SGCD: variants seen among roughly 807,000 people sequenced by gnomAD.
SGCD encodes delta-sarcoglycan.
In SGCD, 18 loss-of-function variants were observed where a neutral mutation model predicts 36.6. The ratio of observed to expected loss-of-function variants is 0.49; its 90% CI spans 0.34 to 0.73. The LOEUF (loss-of-function observed/expected upper bound fraction) is 0.73. SGCD is among the 30% of genes least tolerant of loss of function. The pLI, the probability that SGCD is intolerant of heterozygous loss-of-function variation, is 0.01. For missense variants in SGCD, 387 were observed against 346.7 expected, an observed-to-expected ratio of 1.12 and a Z score of -0.92; for synonymous variants, 133 against 130.6, an observed-to-expected ratio of 1.02 and a Z score of -0.12.
At chr5:156,222,328 A>G (rs1764735783) in intron 3 of SGCD, among the ~76,000 whole-genome samples, 1 of 152,156 alleles carries the variant, frequency 6.6e-6, no homozygotes, top group African/African-American at 2.4e-5. Context: ...GGTGGACATA[A>G]GGTAGAAAAT....
In SGCD at chr5:156,293,101, A is replaced by G. The variant is rs550821768; in HGVS notation, c.-43-36433A>G. Among the ~76,000 whole-genome samples the G allele has an allele frequency of 6.6e-5, 10 of 151,482 alleles. No homozygotes were observed. The South Asian group carries it at 1.0e-3, about 16-fold the overall frequency. ...TAGAGGTGGGGTCTTTTTATGTTGCATAGGCTGAAGTGCAGTGGCTATTCA... is the reference window on the plus strand; with the variant it reads ...TAGAGGTGGGGTCTTTTTATGTTGCGTAGGCTGAAGTGCAGTGGCTATTCA... On this transcript the variant is annotated intron_variant, in intron 3 of 9. Coordinates refer to the SGCD transcript ENST00000517913.
chr5:156,211,574 C>CTCCA (rs1561567270), intron 3 of SGCD, among the ~76,000 whole-genome samples: 1 of 148,738 alleles, frequency 6.7e-6, no homozygotes, highest in Non-Finnish European at 1.5e-5. Flanking sequence ...TGCCACTGCA[C>CTCCA]TCCAGCCTGG....
chr5:156,641,058 T>C (rs1763010080), intron 6 of SGCD, among the ~76,000 whole-genome samples: 1 of 152,238 alleles, frequency 6.6e-6, no homozygotes, highest in Admixed American at 6.5e-5. Flanking sequence ...TCATTTTAAA[T>C]CTTTGGTTAA....
intron 3 of SGCD, among the ~76,000 whole-genome samples, chr5:156,321,038 G>A (rs1192713110): frequency 1.3e-5 from 2 of 152,160 alleles, no homozygotes; most frequent in African/African-American, 4.8e-5. Context: ...ACTGTTTTGG[G>A]CTTTCATAGA....
the SGCD span, among the ~76,000 whole-genome samples, chr5:155,835,189 G>C: frequency 1.3e-5 from 2 of 151,484 alleles, no homozygotes; most frequent in Admixed American, 6.6e-5. Flanking sequence ...TGTATTTTTA[G>C]TAGAGACAGG....
At chr5:156,542,189 G>C (rs1161433607) in intron 4 of SGCD, among the ~76,000 whole-genome samples, 5 of 152,150 alleles carry the variant, frequency 3.3e-5, no homozygotes, top group South Asian at 2.1e-4. Context: ...TTTAGAAAGA[G>C]TAAGACAACA....
chr5:155,784,172 AC>A, the SGCD span, among the ~76,000 whole-genome samples: 1 of 152,002 alleles, frequency 6.6e-6, no homozygotes, highest in Non-Finnish European at 1.5e-5. Context: ...AGAGCCTGGC[AC>A]CCCTCTAGGC....
At chr5:156,316,619 G>A (rs35408423) in intron 3 of SGCD, among the ~76,000 whole-genome samples, 4,020 of 152,048 alleles carry the variant, frequency 0.026, 71 homozygotes, top group Middle Eastern at 0.054. Flanking sequence ...AAGCCACATG[G>A]AACAGAATAG....
chr5:156,480,776 A>G (rs1044518691), intron 3 of SGCD, among the ~76,000 whole-genome samples: 1 of 152,114 alleles, frequency 6.6e-6, no homozygotes, highest in African/African-American at 2.4e-5. Context: ...TTCTTTTTTA[A>G]TTTCTCTAGA....
At chr5:156,325,842 C>T (rs1350940355), upstream of SGCD, among the ~76,000 whole-genome samples, 1 of 152,042 alleles carries the variant, frequency 6.6e-6, no homozygotes, top group Non-Finnish European at 1.5e-5. Flanking sequence ...CACACACCTC[C>T]CCACACCGCC....
At chr5:156,054,355 G>T (rs567205892) in intron 1 of SGCD, among the ~76,000 whole-genome samples, 1 of 138,262 alleles carries the variant, frequency 7.2e-6, no homozygotes, top group Non-Finnish European at 1.6e-5. Context: ...GCGCGATCTC[G>T]GCTCACGGCA....
At chr5:156,138,571 A>G (rs936618142) in intron 3 of SGCD, among the ~76,000 whole-genome samples, 6 of 152,200 alleles carry the variant, frequency 3.9e-5, no homozygotes, top group Non-Finnish European at 7.3e-5. Context: ...CAATTAATAT[A>G]CTATAATTGC....
At chr5:156,222,072 C>G (rs185008904) in intron 3 of SGCD, among the ~76,000 whole-genome samples, 16 of 152,114 alleles carry the variant, frequency 1.1e-4, no homozygotes, top group Admixed American at 1.1e-3. Flanking sequence ...CATATGGCAT[C>G]ACTAGAACCA....
At chr5:156,325,620 AAGC>A (rs1452685060), upstream of SGCD, among the ~76,000 whole-genome samples, 1 of 152,220 alleles carries the variant, frequency 6.6e-6, no homozygotes, top group African/African-American at 2.4e-5. Flanking sequence ...GCAGTAGAGA[AAGC>A]AGATAGAAAA....
chr5:155,728,968 C>G, the SGCD span, among the ~76,000 whole-genome samples: 1 of 152,226 alleles, frequency 6.6e-6, no homozygotes, highest in African/African-American at 2.4e-5. Flanking sequence ...GGTGGCCCTG[C>G]GGGATAGCGT....
At chr5:156,416,619 A>G (rs6896669) in intron 3 of SGCD, among the ~76,000 whole-genome samples, 101,436 of 152,116 alleles carry the variant, frequency 0.67, 34,420 homozygotes, top group Middle Eastern at 0.88. Flanking sequence ...CCACTGTATG[A>G]CAAGTCCTGT....
intron 3 of SGCD, among the ~76,000 whole-genome samples, chr5:156,298,576 CT>C (rs924228753): frequency 2.3e-3 from 254 of 110,514 alleles, no homozygotes; most frequent in African/African-American, 5.3e-3. Flanking sequence ...TTTTTCTTTT[CT>C]TTTTTTTTTT....
At chr5:155,912,831 T>C (rs112743570) in intron 1 of SGCD, among the ~76,000 whole-genome samples, 13 of 151,764 alleles carry the variant, frequency 8.6e-5, no homozygotes, top group African/African-American at 3.1e-4. Flanking sequence ...TTTATATTTC[T>C]AGTTTTCTTA....
chr5:156,363,284 G>A (rs547429801), intron 3 of SGCD, among the ~76,000 whole-genome samples: 6 of 152,166 alleles, frequency 3.9e-5, no homozygotes, highest in South Asian at 2.1e-4. Flanking sequence ...GGTAACTCAC[G>A]TATTTCTAAA....
Sources: allele counts gnomAD v4.1 joint callset (sites outside exome capture counted in the v4.1 genomes callset), GRCh38; gene constraint gnomAD v4.1.1; transcripts MANE v1.5; gene names NCBI Gene and HGNC (gene_info 2026-07-23, HGNC 2026-07-21).